SLC16A2: variants seen among roughly 807,000 people sequenced by gnomAD.
The protein encoded by SLC16A2 is solute carrier family 16 member 2.
Under a neutral mutation model 27.2 loss-of-function variants are expected in SLC16A2, and 3 were observed. The observed-to-expected ratio is 0.11, with a 90% CI of 0.05 to 0.28. The LOEUF (loss-of-function observed/expected upper bound fraction) is 0.28, where lower values mean the gene tolerates loss of function less well. Among genes scored for constraint, SLC16A2 ranks in the 10% least tolerant of loss-of-function variants. The pLI, the probability that SLC16A2 is intolerant of heterozygous loss-of-function variation, is 1.00. For missense variants in SLC16A2, 295 were observed against 458.5 expected (o/e 0.64, Z 3.26); for synonymous variants, 202 against 187.8 (o/e 1.08, Z -0.62).
intron 1 of SLC16A2, among the ~76,000 whole-genome samples, chrX:74,500,693 C>A (rs1274726934): frequency 9.0e-6 from 1 of 111,425 alleles, no homozygotes; most frequent in East Asian, 2.8e-4. Context: ...CTCTCAGAGG[C>A]AATTATCAAC....
intron 1 of SLC16A2, among the ~76,000 whole-genome samples, chrX:74,479,482 C>T (rs1017933161): frequency 1.8e-5 from 2 of 112,452 alleles, no homozygotes; most frequent in African/African-American, 6.5e-5. Context: ...CTTCTCTCAA[C>T]TCGTCAAAGT....
rs1930570666 is a variant in SLC16A2 at position 74,531,583 on chromosome X, C to T, written c.*30C>T. ...TTTCTTGCCATTGTGTGCCCTTTCC[C>T]AGCTCTTCCCCTTCATCCCACCCTG... On this transcript the variant is annotated 3_prime_UTR_variant, in exon 6 of 6. Coordinates refer to ENST00000587091, the MANE Select transcript of SLC16A2 (RefSeq NM_006517.5). 2.7e-6 allele frequency: 3 copies of T among 1,096,542 alleles called. No homozygotes were observed. The highest frequency in any genetic ancestry group is 3.6e-5 in the African/African-American group (2 of 54,976). 90.4% of individuals were successfully genotyped at this position (1,096,542 alleles called of 1,213,427 possible). A position where few individuals can be genotyped will look rare whatever the true frequency, so the allele number is the denominator to read the frequency against.
chrX:74,421,767 G>T lies in SLC16A2; in HGVS notation c.130G>T (p.Val44Leu). The change falls in exon 1 of 6, where the codon GTG (valine) becomes TTG (leucine). Residue 44 changes from valine to leucine, a missense_variant. By Grantham distance (32) the Val-to-Leu change is conservative. This residue lies in a region of SLC16A2 where 92 missense variants were observed against 85.1 expected (regional missense o/e 1.08). Coordinates refer to ENST00000587091, the MANE Select transcript of SLC16A2 (RefSeq NM_006517.5). The part of the protein sequence containing the change: ...EPEPEPEPEP[V>L]PVPPPEPQPE... ...GGAGCCTGAGCCCGAGCCCGAGCCC[G>T]TGCCAGTGCCCCCGCCCGAGCCCCA... 8.8e-7 allele frequency: 1 copy of T among 1,140,128 alleles called. No individual in the cohort carries two copies. The highest frequency in any genetic ancestry group is 1.2e-6 in the Non-Finnish European group (1 of 853,569). The allele number at this position is 1,140,128 out of a possible 1,213,427, so 94.0% of individuals were successfully genotyped here.
chrX:74,515,738 T>G (rs1930308683), intron 1 of SLC16A2, among the ~76,000 whole-genome samples: 1 of 111,469 alleles, frequency 9.0e-6, no homozygotes, highest in Non-Finnish European at 1.9e-5. Flanking sequence ...GACAGAAGAT[T>G]TCTCATCAGA....
At chrX:74,519,732 AAAAAAAAAACG>A (rs1188930035) in intron 1 of SLC16A2, among the ~76,000 whole-genome samples, 1 of 66,559 alleles carries the variant, frequency 1.5e-5, no homozygotes, top group Non-Finnish European at 3.8e-5. Context: ...AAAAAAAAAC[AAAAAAAAAACG>A]AAAGAAAGAA....
At chrX:74,434,965 A>T (rs779873208) in intron 1 of SLC16A2, among the ~76,000 whole-genome samples, 4 of 107,270 alleles carry the variant, frequency 3.7e-5, no homozygotes, top group Non-Finnish European at 7.7e-5. Flanking sequence ...CTGGGATTAC[A>T]GGCACATGCC....
Position 74,477,908 on chromosome X carries a change from T to A in SLC16A2, c.431-43082T>A, listed in dbSNP as rs1398300655. Among the ~76,000 whole-genome samples, 3 of 111,958 alleles carry A rather than the reference T, an allele frequency of 2.7e-5. No homozygotes were observed. The East Asian group carries it at 8.4e-4, about 31-fold the overall frequency. On this transcript the variant is annotated intron_variant, in intron 1 of 5. Coordinates refer to ENST00000587091, the MANE Select transcript of SLC16A2 (RefSeq NM_006517.5). ...TGCTGAGGAGTGCTTTACTTCAAAGTATGTGGTCAATTTTGGAATAGGTGT... is the reference window on the plus strand; with the variant it reads ...TGCTGAGGAGTGCTTTACTTCAAAGAATGTGGTCAATTTTGGAATAGGTGT...
chrX:74,500,682 T>C (rs375358269), intron 1 of SLC16A2, among the ~76,000 whole-genome samples: 1 of 111,522 alleles, frequency 9.0e-6, no homozygotes, highest in East Asian at 2.8e-4. Context: ...TTTTGATGAA[T>C]CTCTCAGAGG....
In SLC16A2 at chrX:74,422,084, G is replaced by T. The variant is rs771481703; in HGVS notation, c.430+17G>T. On this transcript the variant is annotated intron_variant, in intron 1 of 5. Transcript: ENST00000587091. ...TCCAAGCAGGTGAGTGGCCCCGCACGCCCCACTTGGCATTTTGGGCAAGGT... is the reference window on the plus strand; with the variant it reads ...TCCAAGCAGGTGAGTGGCCCCGCACTCCCCACTTGGCATTTTGGGCAAGGT... 5.8e-6 allele frequency: 7 copies of T among 1,199,319 alleles called. No individual in the cohort carries two copies. In the Admixed American group the frequency reaches 1.1e-4, roughly 19 times the overall value.
At chrX:74,512,339 A>G (rs1311320705) in intron 1 of SLC16A2, among the ~76,000 whole-genome samples, 2 of 112,193 alleles carry the variant, frequency 1.8e-5, no homozygotes, top group Non-Finnish European at 3.8e-5. Context: ...TAGCAGTTGG[A>G]TAGCTTAGCC....
intron 1 of SLC16A2, among the ~76,000 whole-genome samples, chrX:74,505,394 G>A (rs1214839341): frequency 8.9e-6 from 1 of 112,161 alleles, no homozygotes; most frequent in Non-Finnish European, 1.9e-5. Flanking sequence ...CAGTATCCTG[G>A]AAAAGGCATT....
chrX:74,475,223 A>C lies in SLC16A2; in HGVS notation c.431-45767A>C, dbSNP rs1192736651. Among the ~76,000 whole-genome samples the C allele has an allele frequency of 3.7e-4, 40 of 109,524 alleles. No individual in the cohort carries two copies. In the South Asian group the frequency reaches 0.011, roughly 30 times the overall value. On this transcript the variant is annotated intron_variant, in intron 1 of 5. Coordinates refer to ENST00000587091, the MANE Select transcript of SLC16A2 (RefSeq NM_006517.5). The stretch of plus-strand genomic sequence containing the variant: ...TGTGGTTTTGATTTGCATTTCTCTG[A>C]TGGCCAGTGATGATGAGCATTTTTT...
chrX:74,427,946 T>A (rs1162766189), intron 1 of SLC16A2, among the ~76,000 whole-genome samples: 1 of 111,201 alleles, frequency 9.0e-6, no homozygotes, highest in Non-Finnish European at 1.9e-5. Flanking sequence ...CTGTAAAGAT[T>A]ATGCTGTACT....
At chrX:74,445,641 T>A (rs1385610911) in intron 1 of SLC16A2, among the ~76,000 whole-genome samples, 4 of 103,493 alleles carry the variant, frequency 3.9e-5, no homozygotes, top group Non-Finnish European at 7.9e-5. Flanking sequence ...CTCTTACTGT[T>A]AGAGCTAACA....
chrX:74,429,470 CAA>C (rs776083386), intron 1 of SLC16A2, among the ~76,000 whole-genome samples: 10 of 79,290 alleles, frequency 1.3e-4, no homozygotes, highest in Admixed American at 2.9e-4. Flanking sequence ...GACCCTGTCT[CAA>C]AAAAAAAAAA....
chrX:74,506,054 G>T (rs1471231344), intron 1 of SLC16A2, among the ~76,000 whole-genome samples: 1 of 111,913 alleles, frequency 8.9e-6, no homozygotes, highest in Non-Finnish European at 1.9e-5. Flanking sequence ...TCCAAGGAGG[G>T]TATAGAGATT....
intron 1 of SLC16A2, among the ~76,000 whole-genome samples, chrX:74,460,514 A>G (rs2147848778): frequency 8.9e-6 from 1 of 111,783 alleles, no homozygotes; most frequent in Non-Finnish European, 1.9e-5. Flanking sequence ...TGCATATGCA[A>G]TCCCATTTTA....
intron 4 of SLC16A2, among the ~76,000 whole-genome samples, chrX:74,528,823 G>T (rs1048282069): frequency 9.0e-6 from 1 of 111,607 alleles, no homozygotes; most frequent in Non-Finnish European, 1.9e-5. Context: ...ATTTTACTTG[G>T]ATCTGAGAAC....
chrX:74,469,131 C>T (rs1472792980), intron 1 of SLC16A2, among the ~76,000 whole-genome samples: 2 of 112,017 alleles, frequency 1.8e-5, no homozygotes, highest in African/African-American at 3.2e-5. Context: ...GTTCTACTCA[C>T]GTTGTTGCAA....
Sources: allele counts gnomAD v4.1 joint callset (sites outside exome capture counted in the v4.1 genomes callset), GRCh38; gene constraint gnomAD v4.1.1; regional missense constraint gnomAD v4.1.1; transcripts MANE v1.5; gene names NCBI Gene and HGNC (gene_info 2026-07-23, HGNC 2026-07-21).